The following NFATC3 variants were observed in gnomAD, a reference collection of about 807,000 sequenced individuals.
NFATC3 encodes nuclear factor of activated T-cells, cytoplasmic 3.
Under a neutral mutation model 98.6 loss-of-function variants are expected in NFATC3, and 46 were observed. The ratio of observed to expected loss-of-function variants is 0.47; its 90% CI spans 0.37 to 0.60. The LOEUF (loss-of-function observed/expected upper bound fraction) is 0.60. Ranked by LOEUF, NFATC3 falls within the 20% of genes least tolerant of loss-of-function variation. The probability of loss-of-function intolerance (pLI) is 0.00; values close to 1 mark genes in which losing one functional copy is unlikely to be tolerated. For missense variants in NFATC3, 1,256 were observed against 1,295.5 expected, an observed-to-expected ratio of 0.97 and a Z score of 0.47; for synonymous variants, 512 against 472.2, an observed-to-expected ratio of 1.08 and a Z score of -1.09.
intron 4 of NFATC3, among the ~76,000 whole-genome samples, chr16:68,160,830 G>A (rs1308019213): frequency 2.0e-5 from 3 of 152,026 alleles, no homozygotes; most frequent in African/African-American, 7.2e-5. Context: ...GATTGCACAC[G>A]TGCACCACCA....
At chr16:68,184,806 AAAACAAACAAAC>A (rs200628366) in intron 8 of NFATC3, among the ~76,000 whole-genome samples, 9 of 150,752 alleles carry the variant, frequency 6.0e-5, no homozygotes, top group South Asian at 2.1e-4. Flanking sequence ...TCTGTCTCAA[AAAACAAACAAAC>A]AAACAAACAA....
At chr16:68,181,102 G>C (rs552103718) in intron 6 of NFATC3, among the ~76,000 whole-genome samples, 186 of 152,298 alleles carry the variant, frequency 1.2e-3, no homozygotes, top group Admixed American at 3.3e-3. Flanking sequence ...AATGGTTGAA[G>C]TAGTTTACAG....
intron 8 of NFATC3, among the ~76,000 whole-genome samples, chr16:68,183,973 T>A (rs1263727226): frequency 5.6e-5 from 7 of 124,142 alleles, no homozygotes; most frequent in Non-Finnish European, 9.4e-5. Context: ...ACCATTGCAC[T>A]CCAGCCTGGG....
At chr16:68,093,034 C>T (rs753286336) in intron 1 of NFATC3, among the ~76,000 whole-genome samples, 4 of 152,218 alleles carry the variant, frequency 2.6e-5, no homozygotes, top group Admixed American at 1.3e-4. Flanking sequence ...TCAATTCCCA[C>T]TCCTTTTTGT....
chr16:68,210,154 T>C (rs1426247033), intron 9 of NFATC3, among the ~76,000 whole-genome samples: 2 of 151,836 alleles, frequency 1.3e-5, no homozygotes, highest in Non-Finnish European at 2.9e-5. Flanking sequence ...AAAAATTAGC[T>C]GGGCATGGTG....
chr16:68,112,238 T>C (rs1318194349), intron 1 of NFATC3, among the ~76,000 whole-genome samples: 1 of 150,892 alleles, frequency 6.6e-6, no homozygotes, highest in Non-Finnish European at 1.5e-5. Flanking sequence ...TCTCCCCGTC[T>C]CTTTCAGGTA....
chr16:68,137,141 T>A (rs73614510), intron 3 of NFATC3, among the ~76,000 whole-genome samples: 1,996 of 152,258 alleles, frequency 0.013, 43 homozygotes, highest in African/African-American at 0.045. Context: ...TTGTGAATTT[T>A]AAAAAAATCT....
chr16:68,087,981 G>C (rs1028801896), intron 1 of NFATC3, among the ~76,000 whole-genome samples: 1 of 152,040 alleles, frequency 6.6e-6, no homozygotes, highest in Non-Finnish European at 1.5e-5. Context: ...TTGAAATTCT[G>C]TTGAGGATGT....
At chr16:68,192,533 G>A (rs1351419180) in intron 9 of NFATC3, among the ~76,000 whole-genome samples, 2 of 151,860 alleles carry the variant, frequency 1.3e-5, no homozygotes, top group Non-Finnish European at 2.9e-5. Context: ...GCAAGATGAA[G>A]CTAGATGCTG....
intron 1 of NFATC3, among the ~76,000 whole-genome samples, chr16:68,091,792 A>G (rs1160425133): frequency 6.6e-6 from 1 of 152,210 alleles, no homozygotes; most frequent in Non-Finnish European, 1.5e-5. Flanking sequence ...CTGGTGGGTC[A>G]GGGGAGTAGA....
chr16:68,180,803 C>T (rs1718861736), intron 6 of NFATC3, among the ~76,000 whole-genome samples: 1 of 152,158 alleles, frequency 6.6e-6, no homozygotes, highest in African/African-American at 2.4e-5. Flanking sequence ...TGGTTTCCAG[C>T]TTCATCCATG....
At chr16:68,161,054 C>T (rs995408125) in intron 4 of NFATC3, among the ~76,000 whole-genome samples, 1 of 152,164 alleles carries the variant, frequency 6.6e-6, no homozygotes, top group African/African-American at 2.4e-5. Context: ...TTCAGATACT[C>T]GAGCAAAACT....
At position 68,122,183 on chromosome 16, in the gene NFATC3, A is replaced by G. The variant is rs1244764898; in HGVS notation, c.300A>G (p.Leu100=). Residue 100 remains leucine, a synonymous_variant, in exon 2 of 10, where the codon TTA becomes TTG. Coordinates refer to ENST00000346183, the MANE Select transcript of NFATC3 (RefSeq NM_173165.3). ...TTCCTGAATCTAAATATAGCCCATT[A>G]GGTGGTCCCAAACCCTTTGAGTGCC... ...CEIPESKYSP[L]GGPKPFECPS... 1.2e-6 allele frequency: 2 copies of G among 1,614,034 alleles called. No homozygotes were observed. Among genetic ancestry groups the G allele is most frequent in the Middle Eastern group, 1.6e-4 (1 of 6,084 alleles).
chr16:68,188,778 G>C (rs1005824330), intron 8 of NFATC3, among the ~76,000 whole-genome samples: 6 of 152,104 alleles, frequency 3.9e-5, no homozygotes, highest in Admixed American at 3.9e-4. Flanking sequence ...GTACTATCTC[G>C]TTTCACTGCA....
At chr16:68,159,404 C>CTTTTTTTTTTTTT (rs577760579) in intron 4 of NFATC3, among the ~76,000 whole-genome samples, 1 of 133,352 alleles carries the variant, frequency 7.5e-6, no homozygotes, top group South Asian at 2.5e-4. Flanking sequence ...ACCTTTCTTT[C>CTTTTTTTTTTTTT]TTTTTTTTTT....
chr16:68,220,757 CA>C lies in NFATC3; in HGVS notation c.3107-5580del, dbSNP rs11372732. Among the ~76,000 whole-genome samples the C allele has an allele frequency of 9.2e-4, 122 of 132,394 alleles. 1 individual carries two copies. Among genetic ancestry groups the C allele is most frequent in the South Asian group, 2.1e-3 (9 of 4,238 alleles). The allele number at this position is 132,394 out of a possible 152,430, so 86.9% of individuals were successfully genotyped here. A position where few individuals can be genotyped will look rare whatever the true frequency, so the allele number is the denominator to read the frequency against. On this transcript the variant is annotated intron_variant, in intron 9 of 9. Transcript: ENST00000346183. The stretch of plus-strand genomic sequence containing the variant: ...CCCGTCTCTACTAAAAAAAAAAATA[CA>C]AAAAAAAAAAAATAGCCAGGCATTG...
chr16:68,149,176 G>T (rs1457151009), intron 3 of NFATC3, among the ~76,000 whole-genome samples: 1 of 151,698 alleles, frequency 6.6e-6, no homozygotes, highest in East Asian at 1.9e-4. Flanking sequence ...TTAATGATCT[G>T]TTCTTAAAAT....
intron 5 of NFATC3, among the ~76,000 whole-genome samples, chr16:68,173,140 T>TA (rs2039541517): frequency 6.6e-6 from 1 of 152,028 alleles, no homozygotes; most frequent in Non-Finnish European, 1.5e-5. Flanking sequence ...CACATGCTTG[T>TA]AGTCCCAGCT....
At chr16:68,124,112 T>C (rs1044815739) in intron 2 of NFATC3, among the ~76,000 whole-genome samples, 1 of 152,140 alleles carries the variant, frequency 6.6e-6, no homozygotes, top group Non-Finnish European at 1.5e-5. Context: ...TTAGGATTTT[T>C]GTTTTGTTTT....
Sources: gnomAD v4.1 joint callset for allele counts (sites outside exome capture counted in the v4.1 genomes callset) on GRCh38, gnomAD v4.1.1 for gene constraint, MANE v1.5 for transcripts, NCBI Gene and HGNC (gene_info 2026-07-23, HGNC 2026-07-21) for gene names.